ARFGEF2: variants seen among roughly 807,000 people sequenced by gnomAD.
ARFGEF2 encodes the protein ARF guanine nucleotide exchange factor 2.
A neutral mutation model predicts 219.9 loss-of-function variants in ARFGEF2; 74 were observed. The observed-to-expected ratio is 0.34, with a 90% CI of 0.28 to 0.41. ARFGEF2 has a LOEUF of 0.41. Among genes scored for constraint, ARFGEF2 ranks in the 10% least tolerant of loss-of-function variants. The pLI, the probability that ARFGEF2 is intolerant of heterozygous loss-of-function variation, is 1.00. For missense variants in ARFGEF2, 1,743 were observed against 2,218.3 expected (o/e 0.79, Z 4.30); for synonymous variants, 733 against 799.2 (o/e 0.92, Z 1.40).
chr20:49,015,803 A>G (rs1350478983), intron 30 of ARFGEF2, among the ~76,000 whole-genome samples: 1 of 152,212 alleles, frequency 6.6e-6, no homozygotes, highest in Non-Finnish European at 1.5e-5. Flanking sequence ...TCAAACTGCT[A>G]GTGAGGTGGC....
intron 37 of ARFGEF2, among the ~76,000 whole-genome samples, chr20:49,029,133 TC>T (rs1435203151): frequency 6.6e-6 from 1 of 152,176 alleles, no homozygotes; most frequent in Non-Finnish European, 1.5e-5. Context: ...TATCTAGAAA[TC>T]CACCAATGGG....
chr20:49,005,534 C>T (rs936565354), intron 26 of ARFGEF2, among the ~76,000 whole-genome samples: 7 of 151,754 alleles, frequency 4.6e-5, no homozygotes, highest in African/African-American at 1.2e-4. Context: ...GTCAGGAGAT[C>T]GAGACCATCC....
intron 10 of ARFGEF2, 63 bp downstream of exon 10, chr20:48,971,417 A>ACTCAATATTAGCAGCATT: frequency 8.1e-7 from 1 of 1,234,164 alleles, no homozygotes; most frequent in Non-Finnish European, 1.2e-6. Context: ...TAATTATAAT[A>ACTCAATATTAGCAGCATT]CTCAATATTG....
chr20:49,022,411 A>AAACAAC (rs137874820), intron 34 of ARFGEF2, among the ~76,000 whole-genome samples: 6 of 140,044 alleles, frequency 4.3e-5, no homozygotes, highest in African/African-American at 1.6e-4. Context: ...TCTATTTAAA[A>AAACAAC]AACAACAACA....
intron 6 of ARFGEF2, among the ~76,000 whole-genome samples, chr20:48,959,914 T>A (rs1230683362): frequency 2.0e-5 from 3 of 152,098 alleles, no homozygotes; most frequent in Non-Finnish European, 4.4e-5. Flanking sequence ...ACGTTTTATA[T>A]TTTAATGGTT....
chr20:49,023,017 CATT>C (rs746142614), intron 34 of ARFGEF2, 31 bp from the exon 35 acceptor site: 12 of 1,613,504 alleles, frequency 7.4e-6, no homozygotes, highest in Non-Finnish European at 9.3e-6. Flanking sequence ...TTGGCTGAAT[CATT>C]ATTAGGGTTA....
chr20:48,949,535 G>C (rs1178581887), intron 3 of ARFGEF2, among the ~76,000 whole-genome samples: 1 of 152,136 alleles, frequency 6.6e-6, no homozygotes, highest in Non-Finnish European at 1.5e-5. Context: ...GGTTGGACTT[G>C]AGCAGCAGAG....
intron 11 of ARFGEF2, 147 bp from the exon 12 acceptor site, chr20:48,972,998 G>T: frequency 1.2e-6 from 1 of 856,322 alleles, no homozygotes; most frequent in South Asian, 1.5e-5. Flanking sequence ...CAGCTTCCTA[G>T]TACTTCCAAC....
chr20:48,998,244 GA>G lies in ARFGEF2; in HGVS notation c.3262+12del. On this transcript the variant is annotated intron_variant, in intron 24 of 38. Transcript: ENST00000371917. ...ATGGAAATGCAATAGGTATGTATTTGACTTACCTGTGAAAACTGCAGAAGCC... is the reference window on the plus strand; with the variant it reads ...ATGGAAATGCAATAGGTATGTATTTGCTTACCTGTGAAAACTGCAGAAGCC... 6.2e-7 allele frequency: 1 copy of G among 1,613,776 alleles called. No homozygotes were observed. The highest frequency in any genetic ancestry group is 8.5e-7 in the Non-Finnish European group (1 of 1,179,762).
At chr20:48,965,653 G>T (rs932067836) in intron 7 of ARFGEF2, among the ~76,000 whole-genome samples, 1 of 152,338 alleles carries the variant, frequency 6.6e-6, no homozygotes, top group East Asian at 1.9e-4. Flanking sequence ...TATTGCTGTG[G>T]CCCTGGCAGT....
chr20:48,944,947 G>A (rs911905115), intron 3 of ARFGEF2, among the ~76,000 whole-genome samples: 1 of 152,156 alleles, frequency 6.6e-6, no homozygotes, highest in African/African-American at 2.4e-5. Context: ...TCAACAACAG[G>A]CATTTATTTC....
chr20:48,995,751 A>C (rs1379281111), intron 22 of ARFGEF2, 32 bp from the exon 23 acceptor site: 1 of 1,582,102 alleles, frequency 6.3e-7, no homozygotes, highest in Non-Finnish European at 8.7e-7. Flanking sequence ...ACTGTTTTTG[A>C]AGTACTGCTG....
chr20:48,926,382 T>C (rs191798199), intron 1 of ARFGEF2, among the ~76,000 whole-genome samples: 197 of 152,308 alleles, frequency 1.3e-3, no homozygotes, highest in African/African-American at 4.5e-3. Flanking sequence ...TTTACTTTAA[T>C]TAGGGGCTAA....
chr20:48,921,870 G>GCCCCCCC lies in ARFGEF2; in HGVS notation c.-15_-14insCCCCCCC. ...ACGCCGCCCGCCCGCGGGGCCGTCA[G>GCCCCCCC]CCCCCGCCGGGCCGGGGCCATGCAG... On this transcript the variant is annotated 5_prime_UTR_variant, in exon 1 of 39. Transcript: ENST00000371917. The GCCCCCCC allele has an allele frequency of 6.6e-7, 1 of 1,521,684 alleles. No homozygotes were observed. Among genetic ancestry groups the GCCCCCCC allele is most frequent in the Admixed American group, 2.1e-5 (1 of 48,694 alleles). The allele number at this position is 1,521,684 out of a possible 1,614,324, so 94.3% of individuals were successfully genotyped here.
rs73909766 is a variant in ARFGEF2, at chr20:48,989,719, G to A, written c.2814+35G>A. The A allele has an allele frequency of 1.3e-3, 2,173 of 1,613,496 alleles. 20 individuals are homozygous for A. In the African/African-American group the frequency reaches 0.026, roughly 19 times the overall value. On this transcript the variant is annotated intron_variant, in intron 20 of 38. Coordinates refer to ENST00000371917, the MANE Select transcript of ARFGEF2 (RefSeq NM_006420.3). ...AGTCAGCAACACTCCAGAGATACTGGTGGGTTGTGCTCTTTTAGATTTGGC... is the reference window on the plus strand; with the variant it reads ...AGTCAGCAACACTCCAGAGATACTGATGGGTTGTGCTCTTTTAGATTTGGC...
At chr20:49,027,628 C>T (rs1190406747) in intron 36 of ARFGEF2, among the ~76,000 whole-genome samples, 3 of 151,602 alleles carry the variant, frequency 2.0e-5, no homozygotes, top group African/African-American at 7.3e-5. Context: ...CCTGGGAGGT[C>T]GAGGTTGCAG....
chr20:49,028,743 A>G, intron 37 of ARFGEF2, 75 bp downstream of exon 37: 4 of 1,508,396 alleles, frequency 2.7e-6, no homozygotes, highest in Non-Finnish European at 3.6e-6. Context: ...GTGGATTGAA[A>G]AGAGTAAGAG....
intron 14 of ARFGEF2, among the ~76,000 whole-genome samples, chr20:48,980,849 A>G (rs570921577): frequency 1.3e-5 from 2 of 152,102 alleles, no homozygotes; most frequent in Non-Finnish European, 2.9e-5. Flanking sequence ...ATCTTCCTCC[A>G]TCCCTATATT....
chr20:49,022,377 T>A (rs1224896173), intron 34 of ARFGEF2, among the ~76,000 whole-genome samples: 2 of 151,496 alleles, frequency 1.3e-5, no homozygotes, highest in African/African-American at 4.8e-5. Flanking sequence ...AAGACCAGCC[T>A]GGGCAACATG....
Sources: allele counts gnomAD v4.1 joint callset (sites outside exome capture counted in the v4.1 genomes callset), GRCh38; gene constraint gnomAD v4.1.1; transcripts MANE v1.5; gene names NCBI Gene and HGNC (gene_info 2026-07-23, HGNC 2026-07-21).